Variants in KCNMB2 observed in about 807,000 individuals in gnomAD.
KCNMB2 encodes calcium-activated potassium channel subunit beta-2.
KCNMB2 carries 9 observed loss-of-function variants against 24.5 expected under a neutral mutation model. The observed-to-expected ratio is 0.37, with a 90% CI of 0.22 to 0.64. The LOEUF (loss-of-function observed/expected upper bound fraction) is 0.64. Among genes scored for constraint, KCNMB2 ranks in the 30% least tolerant of loss-of-function variants. The pLI is 0.63. For missense variants in KCNMB2, 226 were observed against 284.3 expected, an observed-to-expected ratio of 0.79 and a Z score of 1.47; for synonymous variants, 109 against 104.4, an observed-to-expected ratio of 1.04 and a Z score of -0.27.
chr3:178,554,379 T>C (rs34278351), intron 1 of KCNMB2, among the ~76,000 whole-genome samples: 55,942 of 152,092 alleles, frequency 0.37, 12,753 homozygotes, highest in African/African-American at 0.65. Context: ...GAAACTACAA[T>C]TGGTACCAAA....
intron 1 of KCNMB2, among the ~76,000 whole-genome samples, chr3:178,723,764 A>G: frequency 6.6e-6 from 1 of 151,990 alleles, no homozygotes; most frequent in East Asian, 1.9e-4. Flanking sequence ...TTCTGTGTTT[A>G]TTTGCTTAGG....
intron 1 of KCNMB2, among the ~76,000 whole-genome samples, chr3:178,671,798 T>C (rs1720907994): frequency 6.6e-6 from 1 of 152,146 alleles, no homozygotes; most frequent in Non-Finnish European, 1.5e-5. Context: ...AAATGAGTAT[T>C]TATCATATCT....
At chr3:178,814,874 T>C (rs1192518171) in intron 2 of KCNMB2, among the ~76,000 whole-genome samples, 2 of 152,188 alleles carry the variant, frequency 1.3e-5, no homozygotes, top group Non-Finnish European at 2.9e-5. Context: ...ATATTAGTCC[T>C]TTGTCAGGTG....
chr3:178,752,075 A>G (rs1251489799), intron 1 of KCNMB2, among the ~76,000 whole-genome samples: 1 of 152,258 alleles, frequency 6.6e-6, no homozygotes, highest in Non-Finnish European at 1.5e-5. Context: ...TGAGCCCTAC[A>G]TATTTAAAAA....
At chr3:178,758,694 C>A (rs894273868) in intron 1 of KCNMB2, among the ~76,000 whole-genome samples, 426 of 9,964 alleles carry the variant, frequency 0.043, 36 homozygotes, top group African/African-American at 0.059. Flanking sequence ...ATATATCTCT[C>A]TCTCTACAAG....
At chr3:178,812,411 T>C (rs918075348) in intron 2 of KCNMB2, among the ~76,000 whole-genome samples, 1 of 116,112 alleles carries the variant, frequency 8.6e-6, no homozygotes, top group African/African-American at 3.3e-5. Context: ...CAACAGTCCC[T>C]GGTGTGTGAT....
intron 1 of KCNMB2, among the ~76,000 whole-genome samples, chr3:178,801,621 T>C (rs1300158494): frequency 1.3e-5 from 2 of 152,000 alleles, no homozygotes; most frequent in African/African-American, 4.8e-5. Context: ...ACAAAAGAAA[T>C]GGAAGGAGCA....
intron 1 of KCNMB2, among the ~76,000 whole-genome samples, chr3:178,614,247 TTATATATATATATATATATATATA>T (rs776751246): frequency 0.026 from 1,388 of 53,476 alleles, 95 homozygotes; most frequent in South Asian, 0.12. Context: ...TGGGCTAATT[TTATATATATATATATATATATATA>T]TATATATATA....
intron 1 of KCNMB2, among the ~76,000 whole-genome samples, chr3:178,744,675 G>A (rs6443578): frequency 2.0e-5 from 3 of 151,542 alleles, no homozygotes; most frequent in Non-Finnish European, 2.9e-5. Flanking sequence ...CTCCTGAAAC[G>A]GGAAACTTCC....
chr3:178,745,268 A>C (rs2108381863), intron 1 of KCNMB2, among the ~76,000 whole-genome samples: 1 of 152,340 alleles, frequency 6.6e-6, no homozygotes, highest in East Asian at 1.9e-4. Flanking sequence ...TCATGGCAGA[A>C]GGCAAGGAGG....
At chr3:178,778,349 G>A (rs994209482) in intron 1 of KCNMB2, among the ~76,000 whole-genome samples, 12 of 151,904 alleles carry the variant, frequency 7.9e-5, no homozygotes, top group African/African-American at 1.5e-4. Context: ...AGGCTAAGAC[G>A]GGCTTAATAG....
chr3:178,545,688 T>C (rs1046240005), intron 1 of KCNMB2, among the ~76,000 whole-genome samples: 1 of 152,232 alleles, frequency 6.6e-6, no homozygotes, highest in African/African-American at 2.4e-5. Flanking sequence ...GAATGTATAG[T>C]CCCATCAAAT....
intron 1 of KCNMB2, among the ~76,000 whole-genome samples, chr3:178,661,017 T>C (rs922403820): frequency 6.6e-6 from 1 of 151,980 alleles, no homozygotes; most frequent in Non-Finnish European, 1.5e-5. Flanking sequence ...TTTTAAGTTC[T>C]GGGATACATG....
chr3:178,656,366 G>T (rs55837106), intron 1 of KCNMB2, among the ~76,000 whole-genome samples: 28,962 of 152,164 alleles, frequency 0.19, 2,860 homozygotes, highest in Admixed American at 0.26. Flanking sequence ...CTATAAAGTA[G>T]AAATTATCAC....
intron 2 of KCNMB2, among the ~76,000 whole-genome samples, chr3:178,822,109 C>T (rs780630112): frequency 3.9e-5 from 6 of 152,220 alleles, no homozygotes; most frequent in Admixed American, 6.5e-5. Context: ...GGCCTACCTA[C>T]CTTTGCAAAC....
At chr3:178,564,630 A>G (rs1279598185) in intron 1 of KCNMB2, among the ~76,000 whole-genome samples, 4 of 151,772 alleles carry the variant, frequency 2.6e-5, no homozygotes, top group African/African-American at 9.7e-5. Context: ...TAATCTTGAG[A>G]AAAAAAGGTA....
chr3:178,780,928 A>T (rs1434204319), intron 1 of KCNMB2, among the ~76,000 whole-genome samples: 1 of 152,222 alleles, frequency 6.6e-6, no homozygotes, highest in Non-Finnish European at 1.5e-5. Context: ...ATTCTAAAAC[A>T]GTGCAAAACA....
chr3:178,584,528 G>T (rs1480625008), intron 1 of KCNMB2, among the ~76,000 whole-genome samples: 1 of 149,552 alleles, frequency 6.7e-6, no homozygotes, highest in Non-Finnish European at 1.5e-5. Context: ...AAAGCACCTA[G>T]AACAGTGCCT....
At chr3:178,765,297 G>A (rs12629863) in intron 1 of KCNMB2, among the ~76,000 whole-genome samples, 21,489 of 152,136 alleles carry the variant, frequency 0.14, 1,850 homozygotes, top group Admixed American at 0.18. Flanking sequence ...TAAAAAAGAT[G>A]CCTGTCACTG....
Sources: gnomAD v4.1 joint callset for allele counts (sites outside exome capture counted in the v4.1 genomes callset) on GRCh38, gnomAD v4.1.1 for gene constraint, MANE v1.5 for transcripts, NCBI Gene and HGNC (gene_info 2026-07-23, HGNC 2026-07-21) for gene names.